Variants in KIF26B observed in about 807,000 individuals in gnomAD.
The protein encoded by KIF26B is kinesin family member 26B.
A neutral mutation model predicts 151.2 loss-of-function variants in KIF26B; 63 were observed. The ratio of observed to expected loss-of-function variants is 0.42; its 90% CI spans 0.34 to 0.51. KIF26B has a LOEUF of 0.51. Among genes scored for constraint, KIF26B ranks in the 20% least tolerant of loss-of-function variants. The probability of loss-of-function intolerance (pLI) is 0.07; values close to 1 mark genes in which losing one functional copy is unlikely to be tolerated. For missense variants in KIF26B, 2,813 were observed against 2,913.6 expected, an observed-to-expected ratio of 0.97 and a Z score of 0.79; for synonymous variants, 1,357 against 1,262.1, an observed-to-expected ratio of 1.08 and a Z score of -1.59.
chr1:245,390,310 C>T (rs1000862121), intron 3 of KIF26B, among the ~76,000 whole-genome samples: 1 of 152,048 alleles, frequency 6.6e-6, no homozygotes, highest in African/African-American at 2.4e-5. Flanking sequence ...CTCCGCCTCC[C>T]GGGTTCAAGT....
At chr1:245,575,568 GA>G (rs1367635901) in intron 5 of KIF26B, among the ~76,000 whole-genome samples, 2 of 152,034 alleles carry the variant, frequency 1.3e-5, no homozygotes, top group African/African-American at 4.8e-5. Flanking sequence ...ATTTTCCTTC[GA>G]TATTCCAACT....
In KIF26B at chr1:245,600,279, C is replaced by T. The variant is rs2043381456; in HGVS notation, c.1351-2298C>T. The stretch of plus-strand genomic sequence containing the variant: ...GGTCTCTATCTCCTGACCTTGTGAT[C>T]CGCCCGCCTCGGCCTCCCAAAGTGC... On this transcript the variant is annotated intron_variant, in intron 5 of 14. Coordinates refer to ENST00000407071, the MANE Select transcript of KIF26B (RefSeq NM_018012.4). Among the ~76,000 whole-genome samples, 7 of 134,496 alleles carry T rather than the reference C, an allele frequency of 5.2e-5. No individual in the cohort carries two copies. The South Asian group carries it at 1.7e-3, about 34-fold the overall frequency. 88.2% of individuals were successfully genotyped at this position (134,496 alleles called of 152,430 possible). A position where few individuals can be genotyped will look rare whatever the true frequency, so the allele number is the denominator to read the frequency against.
rs1191254237 is a variant in KIF26B at position 245,280,365 on chromosome 1, CAAAAAAA to C, written c.466-86459_466-86453del. 3.1e-5 allele frequency among the ~76,000 whole-genome samples: 4 copies of C among 129,620 alleles called. No homozygotes were observed. In the Admixed American group the frequency reaches 3.1e-4, roughly 10 times the overall value. The allele number at this position is 129,620 out of a possible 152,430, so 85.0% of individuals were successfully genotyped here. On this transcript the variant is annotated intron_variant, in intron 2 of 14. Coordinates refer to ENST00000407071, the MANE Select transcript of KIF26B (RefSeq NM_018012.4). The stretch of plus-strand genomic sequence containing the variant: ...GTCTCTACTAAAAATACAAAAAATA[CAAAAAAA>C]AAAAAAAAATTAGCAGGGCATAGTG...
chr1:245,478,082 A>T (rs1310288565), intron 4 of KIF26B, among the ~76,000 whole-genome samples: 2 of 151,846 alleles, frequency 1.3e-5, no homozygotes, highest in African/African-American at 4.8e-5. Flanking sequence ...ATGGAATCAT[A>T]CAATACGTGA....
At chr1:245,638,653 G>GT (rs2043858175) in intron 9 of KIF26B, among the ~76,000 whole-genome samples, 1 of 151,754 alleles carries the variant, frequency 6.6e-6, no homozygotes, top group Non-Finnish European at 1.5e-5. Context: ...TCTTGTTGAG[G>GT]TATGTTCCTT....
intron 10 of KIF26B, among the ~76,000 whole-genome samples, chr1:245,659,888 A>T (rs1267171724): frequency 1.0e-5 from 1 of 98,326 alleles, no homozygotes; most frequent in Non-Finnish European, 2.1e-5. Flanking sequence ...AAAATACAAG[A>T]AAAAAAAAAA....
chr1:245,481,950 C>CT (rs1478783485), intron 4 of KIF26B, among the ~76,000 whole-genome samples: 1 of 151,494 alleles, frequency 6.6e-6, no homozygotes, highest in Non-Finnish European at 1.5e-5. Flanking sequence ...TCTGTGTGTA[C>CT]TTTTACCATC....
rs914176428 is a variant in KIF26B at position 245,227,447 on chromosome 1, A to G, written c.465+70764A>G. On this transcript the variant is annotated intron_variant, in intron 2 of 14. Coordinates refer to ENST00000407071, the MANE Select transcript of KIF26B (RefSeq NM_018012.4). This position sits in a 1 kb window ranked among gnomAD's most constrained non-coding sequence, Gnocchi z 4.1. The stretch of plus-strand genomic sequence containing the variant: ...TGCGGCCTCCGTCCTCTTCGCCATC[A>G]TTGGCCTCTCTTGTTTCTTCCCACC... Among the ~76,000 whole-genome samples, 17 of 152,146 alleles carry G rather than the reference A, an allele frequency of 1.1e-4. No individual in the cohort carries two copies. The highest frequency in any genetic ancestry group is 3.9e-4 in the African/African-American group (16 of 41,422).
chr1:245,451,288 A>C (rs764446820), intron 4 of KIF26B, among the ~76,000 whole-genome samples: 69 of 152,052 alleles, frequency 4.5e-4, no homozygotes, highest in Admixed American at 4.6e-4. Flanking sequence ...TAGTGTTTTT[A>C]TTAACATTTC....
chr1:245,389,493 A>C (rs1284281605), intron 3 of KIF26B, among the ~76,000 whole-genome samples: 4 of 152,142 alleles, frequency 2.6e-5, no homozygotes, highest in African/African-American at 9.7e-5. Flanking sequence ...AACTGGAATG[A>C]GTTAAATTTT....
chr1:245,200,619 A>G (rs1235125302), intron 2 of KIF26B, among the ~76,000 whole-genome samples: 2 of 152,150 alleles, frequency 1.3e-5, no homozygotes, highest in African/African-American at 2.4e-5. Context: ...GCTTACTTTA[A>G]TATACATTTT....
chr1:245,565,347 G>A (rs1178709521), intron 5 of KIF26B, among the ~76,000 whole-genome samples: 1 of 150,570 alleles, frequency 6.6e-6, no homozygotes, highest in East Asian at 1.9e-4. Flanking sequence ...GGAGTGCAGT[G>A]GCACCATCTC....
At chr1:245,456,577 A>G (rs1422949903) in intron 4 of KIF26B, among the ~76,000 whole-genome samples, 1 of 152,218 alleles carries the variant, frequency 6.6e-6, no homozygotes, top group African/African-American at 2.4e-5. Flanking sequence ...TCATGTGTCT[A>G]TCAGCCATTT....
In KIF26B at chr1:245,647,197, G is replaced by A. The variant is rs187130257; in HGVS notation, c.2258+917G>A. 4.0e-3 allele frequency among the ~76,000 whole-genome samples: 605 copies of A among 152,176 alleles called. 3 individuals carry two copies. The highest frequency in any genetic ancestry group is 0.013 in the African/African-American group (534 of 41,512). On this transcript the variant is annotated intron_variant, in intron 10 of 14. Transcript: ENST00000407071. ...TCCTGGCACTTTGGGAGGCCGAGGCGGGTGGATCACAAGGTCAGGAGATTG... is the reference window on the plus strand; with the variant it reads ...TCCTGGCACTTTGGGAGGCCGAGGCAGGTGGATCACAAGGTCAGGAGATTG...
chr1:245,568,184 CAAAAAAAAAAAAAA>C (rs61494632), intron 5 of KIF26B, among the ~76,000 whole-genome samples: 13 of 28,702 alleles, frequency 4.5e-4, no homozygotes, highest in Non-Finnish European at 4.7e-4. Context: ...AACTCCATCT[CAAAAAAAAAAAAAA>C]AAAAAAAAAA....
intron 4 of KIF26B, among the ~76,000 whole-genome samples, chr1:245,497,089 GT>G (rs1484192493): frequency 6.6e-6 from 1 of 150,540 alleles, no homozygotes; most frequent in Non-Finnish European, 1.5e-5. Flanking sequence ...GGGGGTGGAG[GT>G]TGCTGAGAGC....
intron 2 of KIF26B, among the ~76,000 whole-genome samples, chr1:245,171,806 C>T (rs1024468821): frequency 4.6e-5 from 7 of 152,186 alleles, no homozygotes; most frequent in Non-Finnish European, 1.0e-4. Context: ...TGCTCTGCCG[C>T]ATACCAGCTC....
intron 2 of KIF26B, among the ~76,000 whole-genome samples, chr1:245,307,888 C>T (rs1415427907): frequency 6.6e-6 from 1 of 152,208 alleles, no homozygotes; most frequent in South Asian, 2.1e-4. Context: ...CTACAGGTGC[C>T]CGCCACCACG....
At chr1:245,393,164 C>T (rs1673741959) in intron 3 of KIF26B, among the ~76,000 whole-genome samples, 1 of 152,094 alleles carries the variant, frequency 6.6e-6, no homozygotes, top group Admixed American at 6.5e-5. Context: ...GAGTGAAACT[C>T]TGTCTTAAAA....
Sources: allele counts gnomAD v4.1 joint callset (sites outside exome capture counted in the v4.1 genomes callset), GRCh38; gene constraint gnomAD v4.1.1; non-coding constraint Gnocchi (gnomAD v3.1); transcripts MANE v1.5; gene names NCBI Gene and HGNC (gene_info 2026-07-23, HGNC 2026-07-21).